The following KIAA1328 variants were observed in gnomAD, a reference collection of about 807,000 sequenced individuals.
KIAA1328 encodes the protein KIAA1328, also known as protein hinderin.
Under a neutral mutation model 68.1 loss-of-function variants are expected in KIAA1328, and 52 were observed. The ratio of observed to expected loss-of-function variants is 0.76; its 90% CI spans 0.61 to 0.96. The LOEUF is 0.96. KIAA1328 is among the 40% of genes least tolerant of loss of function. KIAA1328 has a pLI of 0.00. For synonymous variants in KIAA1328, 232 were observed against 239.4 expected (o/e 0.97, Z 0.28); for missense variants, 641 against 677.6 (o/e 0.95, Z 0.60).
chr18:36,966,806 A>C (rs568557826), intron 6 of KIAA1328, among the ~76,000 whole-genome samples: 1 of 152,228 alleles, frequency 6.6e-6, no homozygotes, highest in Non-Finnish European at 1.5e-5. Context: ...AATGGGTTCC[A>C]TGGTCATGGA....
chr18:37,037,660 G>C (rs941562860), intron 6 of KIAA1328, among the ~76,000 whole-genome samples: 28 of 151,824 alleles, frequency 1.8e-4, no homozygotes, highest in African/African-American at 6.8e-4. Context: ...GAGGCAGGTG[G>C]ATCACCTGAG....
At chr18:37,218,473 A>AAC (rs2060491107) in intron 9 of KIAA1328, among the ~76,000 whole-genome samples, 3 of 152,360 alleles carry the variant, frequency 2.0e-5, no homozygotes, top group Non-Finnish European at 4.4e-5. Flanking sequence ...TCATATGGGA[A>AAC]ACATGGCTGG....
chr18:36,939,892 A>G (rs1047058677), intron 5 of KIAA1328, among the ~76,000 whole-genome samples: 2 of 152,114 alleles, frequency 1.3e-5, no homozygotes, highest in African/African-American at 4.8e-5. Context: ...TTACATGTAT[A>G]TATGAAAAAA....
At chr18:37,087,698 A>G (rs1216009932) in intron 7 of KIAA1328, among the ~76,000 whole-genome samples, 2 of 151,992 alleles carry the variant, frequency 1.3e-5, no homozygotes, top group Non-Finnish European at 1.5e-5. Flanking sequence ...CTATCCATAG[A>G]TTTTCTTCTC....
chr18:37,125,628 A>G (rs1409119330), intron 7 of KIAA1328, among the ~76,000 whole-genome samples: 1 of 152,200 alleles, frequency 6.6e-6, no homozygotes, highest in African/African-American at 2.4e-5. Context: ...AAAAGAGGGA[A>G]ATGACAACAG....
chr18:37,045,757 C>G (rs2055444000), intron 6 of KIAA1328, among the ~76,000 whole-genome samples: 1 of 152,062 alleles, frequency 6.6e-6, no homozygotes, highest in Non-Finnish European at 1.5e-5. Flanking sequence ...TGGTTTTGAC[C>G]AAGATGTTCA....
intron 3 of KIAA1328, among the ~76,000 whole-genome samples, chr18:36,841,664 A>G (rs546704462): frequency 2.3e-3 from 344 of 152,272 alleles, no homozygotes; most frequent in African/African-American, 7.8e-3. Context: ...TCAACAACTC[A>G]ACTCTGCCAC....
intron 7 of KIAA1328, among the ~76,000 whole-genome samples, chr18:37,120,741 A>G (rs1261364420): frequency 6.6e-6 from 1 of 152,112 alleles, no homozygotes; most frequent in African/African-American, 2.4e-5. Context: ...ATTTTGCTGT[A>G]TTGGTCTTTG....
intron 4 of KIAA1328, among the ~76,000 whole-genome samples, chr18:36,871,315 A>T (rs905873545): frequency 6.6e-6 from 1 of 152,156 alleles, no homozygotes; most frequent in Admixed American, 6.5e-5. Flanking sequence ...TCTACTTCAG[A>T]TGATGCATTT....
At chr18:37,219,461 G>T (rs527290235) in intron 9 of KIAA1328, among the ~76,000 whole-genome samples, 1 of 152,320 alleles carries the variant, frequency 6.6e-6, no homozygotes, top group African/African-American at 2.4e-5. Flanking sequence ...GGCAGGCCTC[G>T]TTGACCTGCG....
chr18:37,082,086 C>T (rs917677340), intron 7 of KIAA1328, among the ~76,000 whole-genome samples: 12 of 151,358 alleles, frequency 7.9e-5, no homozygotes, highest in Admixed American at 7.9e-4. Flanking sequence ...GTATATTACA[C>T]ATAATCTCAC....
intron 6 of KIAA1328, among the ~76,000 whole-genome samples, chr18:37,008,204 G>T (rs1014669749): frequency 6.6e-6 from 1 of 152,220 alleles, no homozygotes; most frequent in East Asian, 1.9e-4. Context: ...TATGGGGGAA[G>T]TGTCAGACAA....
chr18:37,112,234 C>T (rs2057953300), intron 7 of KIAA1328, among the ~76,000 whole-genome samples: 1 of 152,160 alleles, frequency 6.6e-6, no homozygotes, highest in Non-Finnish European at 1.5e-5. Context: ...TGAAGTGGGT[C>T]CCTGACCCCC....
chr18:37,061,271 C>T (rs941208331), intron 6 of KIAA1328, among the ~76,000 whole-genome samples: 1 of 152,160 alleles, frequency 6.6e-6, no homozygotes, highest in Admixed American at 6.5e-5. Flanking sequence ...TGAGGTTTAG[C>T]ATAAGCAAAA....
chr18:37,215,464 A>T (rs1314818266), intron 9 of KIAA1328, among the ~76,000 whole-genome samples: 3 of 152,184 alleles, frequency 2.0e-5, no homozygotes. Context: ...TGATTTGCGT[A>T]TGTCGAACCA....
intron 6 of KIAA1328, among the ~76,000 whole-genome samples, chr18:36,997,460 A>G (rs989526543): frequency 9.9e-5 from 15 of 152,128 alleles, no homozygotes; most frequent in Admixed American, 8.5e-4. Context: ...GAATTGTGCA[A>G]TCCTGGCTAT....
At chr18:37,166,037 ATT>A (rs1157622407) in intron 8 of KIAA1328, among the ~76,000 whole-genome samples, 28 of 136,074 alleles carry the variant, frequency 2.1e-4, no homozygotes, top group Middle Eastern at 3.8e-3. Context: ...TGGGGTGGTA[ATT>A]TTTTTTTTTT....
intron 4 of KIAA1328, among the ~76,000 whole-genome samples, chr18:36,883,954 A>ATATGTG (rs1386003046): frequency 3.4e-5 from 5 of 145,320 alleles, no homozygotes; most frequent in Admixed American, 6.9e-5. Context: ...TTTATAAAGT[A>ATATGTG]TATATATATA....
chr18:37,065,493 C>G (rs964943754), intron 6 of KIAA1328, among the ~76,000 whole-genome samples: 1 of 152,154 alleles, frequency 6.6e-6, no homozygotes, highest in Non-Finnish European at 1.5e-5. Context: ...GAAATAACAG[C>G]TGCTAGGAAT....
Sources: allele counts gnomAD v4.1 joint callset (sites outside exome capture counted in the v4.1 genomes callset), GRCh38; gene constraint gnomAD v4.1.1; transcripts MANE v1.5; gene names NCBI Gene and HGNC (gene_info 2026-07-23, HGNC 2026-07-21).